Variants in EXOC4 observed in about 807,000 individuals in gnomAD.
EXOC4 encodes SEC8-like 1.
EXOC4 carries 71 observed loss-of-function variants against 107.2 expected under a neutral mutation model. The observed-to-expected ratio is 0.66, with a 90% confidence interval of 0.55 to 0.81. EXOC4 has a LOEUF of 0.81. Ranked by LOEUF, EXOC4 falls within the 30% of genes least tolerant of loss-of-function variation. The pLI, the probability that EXOC4 is intolerant of heterozygous loss-of-function variation, is 0.00. For missense variants in EXOC4, 1,108 were observed against 1,189.6 expected (o/e 0.93, Z 1.01); for synonymous variants, 456 against 441.2 (o/e 1.03, Z -0.42).
chr7:134,073,204 TC>T, the EXOC4 span, among the ~76,000 whole-genome samples: 1 of 3,596 alleles, frequency 2.8e-4, no homozygotes, highest in African/African-American at 4.0e-3. Context: ...AGACTTCCTC[TC>T]AAAAAAAAAA....
chr7:134,088,816 A>G, the EXOC4 span, among the ~76,000 whole-genome samples: 1 of 152,182 alleles, frequency 6.6e-6, no homozygotes, highest in Non-Finnish European at 1.5e-5. Context: ...TGTGGCATAC[A>G]GTGATTTTAT....
intron 14 of EXOC4, among the ~76,000 whole-genome samples, chr7:133,990,454 TTTTG>T (rs761317260): frequency 1.4e-4 from 21 of 152,134 alleles, no homozygotes; most frequent in Non-Finnish European, 3.1e-4. Context: ...ATTTTATTCT[TTTTG>T]TTTGTTTTTG....
intron 9 of EXOC4, among the ~76,000 whole-genome samples, chr7:133,508,855 A>G (rs1442379403): frequency 6.6e-6 from 1 of 152,208 alleles, no homozygotes; most frequent in Non-Finnish European, 1.5e-5. Flanking sequence ...TATAAGGCAT[A>G]CCACACTATT....
At chr7:133,649,263 C>T (rs969708316) in intron 10 of EXOC4, among the ~76,000 whole-genome samples, 1 of 152,050 alleles carries the variant, frequency 6.6e-6, no homozygotes, top group Non-Finnish European at 1.5e-5. Flanking sequence ...ATTAAACATG[C>T]CTGAAGCTTC....
chr7:133,836,481 G>A (rs571979027), intron 11 of EXOC4, among the ~76,000 whole-genome samples: 1 of 152,148 alleles, frequency 6.6e-6, no homozygotes, highest in Non-Finnish European at 1.5e-5. Context: ...GATTTTAACA[G>A]CACCGACACT....
At chr7:133,280,625 A>AT (rs552224234) in intron 2 of EXOC4, among the ~76,000 whole-genome samples, 34 of 152,036 alleles carry the variant, frequency 2.2e-4, no homozygotes, top group South Asian at 1.5e-3. Context: ...TCTGAATCTC[A>AT]TTTTTTTTGC....
At position 133,789,697 on chromosome 7, in the gene EXOC4, G is replaced by C. The variant is rs141267024; in HGVS notation, c.1515-27628G>C. ...TAATTGCAGGTTTACTAATCAACCT[G>C]TCTATCCATTTCAAAGGGAAATTGT... On this transcript the variant is annotated intron_variant, in intron 10 of 17. Transcript: ENST00000253861. Among the ~76,000 whole-genome samples the C allele has an allele frequency of 3.3e-4, 50 of 152,306 alleles. No individual in the cohort carries two copies. In the East Asian group the frequency reaches 5.4e-3, roughly 16 times the overall value.
At chr7:133,800,737 A>G (rs1796922453) in intron 10 of EXOC4, among the ~76,000 whole-genome samples, 1 of 152,224 alleles carries the variant, frequency 6.6e-6, no homozygotes, top group South Asian at 2.1e-4. Context: ...CCCAAGTAAC[A>G]GACAGTGTTG....
chr7:133,444,315 T>C (rs1205342069), intron 7 of EXOC4, among the ~76,000 whole-genome samples: 1 of 152,172 alleles, frequency 6.6e-6, no homozygotes, highest in Admixed American at 6.5e-5. Context: ...TCTTTATTCT[T>C]CCTGAATCTC....
chr7:133,604,687 T>TTTCCTTCCTTCCTTCCTTCCTTCC (rs1335117999), intron 9 of EXOC4, among the ~76,000 whole-genome samples: 12 of 148,342 alleles, frequency 8.1e-5, no homozygotes, highest in African/African-American at 2.6e-4. Flanking sequence ...TTTCTTTTTC[T>TTTCCTTCCTTCCTTCCTTCCTTCC]TTCCTTCCTT....
intron 9 of EXOC4, among the ~76,000 whole-genome samples, chr7:133,500,230 G>C (rs1799552206): frequency 6.6e-6 from 1 of 152,112 alleles, no homozygotes; most frequent in South Asian, 2.1e-4. Flanking sequence ...TGAAAATAAT[G>C]TCACTATTAA....
At chr7:133,595,103 A>G (rs920786991) in intron 9 of EXOC4, among the ~76,000 whole-genome samples, 7 of 152,148 alleles carry the variant, frequency 4.6e-5, no homozygotes, top group South Asian at 2.1e-4. Flanking sequence ...AGTGTAGGTA[A>G]TGGGGAGAGT....
At chr7:133,584,124 G>A (rs1386062129) in intron 9 of EXOC4, among the ~76,000 whole-genome samples, 2 of 152,166 alleles carry the variant, frequency 1.3e-5, no homozygotes, top group African/African-American at 4.8e-5. Context: ...TGAACTTGTT[G>A]AATTTGGGAT....
At chr7:133,981,759 A>G (rs1453265234) in intron 14 of EXOC4, among the ~76,000 whole-genome samples, 2 of 152,238 alleles carry the variant, frequency 1.3e-5, no homozygotes, top group African/African-American at 4.8e-5. Flanking sequence ...GTATATGCCC[A>G]AAGGAATATA....
chr7:133,606,957 G>T (rs1044147922), intron 9 of EXOC4, among the ~76,000 whole-genome samples: 3 of 151,930 alleles, frequency 2.0e-5, no homozygotes, highest in Non-Finnish European at 4.4e-5. Context: ...ATTATTTCTT[G>T]TACTCATTTA....
rs139299574 is a variant in EXOC4 at position 133,700,584 on chromosome 7, G to T, written c.1514+70443G>T. On this transcript the variant is annotated intron_variant, in intron 10 of 17. Transcript: ENST00000253861. Reference sequence around the variant, plus strand: ...GGTCAAATACTCAGCTTTTGGATTTGTGAATTTCAGCTTGTAGTCATTGTT... The same window carrying T: ...GGTCAAATACTCAGCTTTTGGATTTTTGAATTTCAGCTTGTAGTCATTGTT... Among the ~76,000 whole-genome samples, 738 of 152,232 alleles carry T rather than the reference G, an allele frequency of 4.8e-3. 3 individuals carry two copies. Among genetic ancestry groups the T allele is most frequent in the Middle Eastern group, 0.017 (5 of 294 alleles).
chr7:133,421,712 G>C (rs545702142), intron 7 of EXOC4, among the ~76,000 whole-genome samples: 1 of 152,184 alleles, frequency 6.6e-6, no homozygotes, highest in South Asian at 2.1e-4. Context: ...GTTGTTTTCT[G>C]TTACTTTCAA....
intron 14 of EXOC4, among the ~76,000 whole-genome samples, chr7:133,944,232 C>T (rs1395231066): frequency 6.6e-6 from 1 of 152,092 alleles, no homozygotes; most frequent in Non-Finnish European, 1.5e-5. Flanking sequence ...CACATTTATA[C>T]CACAGTTTTC....
chr7:133,350,050 G>T (rs1795872872), intron 5 of EXOC4, among the ~76,000 whole-genome samples: 1 of 151,986 alleles, frequency 6.6e-6, no homozygotes, highest in African/African-American at 2.4e-5. Flanking sequence ...GAATTTAGGA[G>T]TGCTCTATAT....
Sources: gnomAD v4.1 joint callset for allele counts (sites outside exome capture counted in the v4.1 genomes callset) on GRCh38, gnomAD v4.1.1 for gene constraint, MANE v1.5 for transcripts, NCBI Gene and HGNC (gene_info 2026-07-23, HGNC 2026-07-21) for gene names.